MCTP1: variants seen among roughly 807,000 people sequenced by gnomAD.
MCTP1 encodes the protein multiple C2 and transmembrane domain-containing protein 1.
In MCTP1, 69 loss-of-function variants were observed where a neutral mutation model predicts 120.6. The observed-to-expected ratio is 0.57, with a 90% CI of 0.47 to 0.70. MCTP1 has a LOEUF of 0.70. Among genes scored for constraint, MCTP1 ranks in the 30% least tolerant of loss-of-function variants. The pLI is 0.00. For missense variants in MCTP1, 1,203 were observed against 1,248.8 expected (o/e 0.96, Z 0.55); for synonymous variants, 529 against 493.1 (o/e 1.07, Z -0.96).
At chr5:95,139,713 G>A (rs1470114021) in intron 1 of MCTP1, among the ~76,000 whole-genome samples, 1 of 152,166 alleles carries the variant, frequency 6.6e-6, no homozygotes, top group Non-Finnish European at 1.5e-5. Context: ...CACAGAAGCT[G>A]TTTCCTTATG....
At chr5:94,821,009 C>T (rs1785518922) in intron 17 of MCTP1, among the ~76,000 whole-genome samples, 2 of 152,168 alleles carry the variant, frequency 1.3e-5, no homozygotes, top group South Asian at 4.1e-4. Flanking sequence ...ACTCCCAGCA[C>T]TGTCAAATAG....
At position 94,769,662 on chromosome 5, in the gene MCTP1, C is replaced by T. The variant is rs879532058; in HGVS notation, c.2610+9448G>A. ...TTGAAGGAATACCTCAGACTGCCTA[C>T]TCTAAAAATTTATTAGACTTTGTGG... On this transcript the variant is annotated intron_variant, in intron 19 of 22. Transcript: ENST00000515393. 1.5e-4 allele frequency among the ~76,000 whole-genome samples: 23 copies of T among 152,272 alleles called. 1 individual carries two copies. Among genetic ancestry groups the T allele is most frequent in the Admixed American group, 5.2e-4 (8 of 15,294 alleles).
chr5:95,021,516 T>C (rs541266530), intron 1 of MCTP1, among the ~76,000 whole-genome samples: 278 of 152,242 alleles, frequency 1.8e-3, no homozygotes, highest in Non-Finnish European at 2.5e-3. Context: ...CTTATTTTTC[T>C]TCTTTCGTCT....
At chr5:94,995,907 G>A (rs1832534511) in intron 2 of MCTP1, among the ~76,000 whole-genome samples, 1 of 152,122 alleles carries the variant, frequency 6.6e-6, no homozygotes, top group Non-Finnish European at 1.5e-5. Flanking sequence ...CTAACAGCCT[G>A]CCCTTAAGAA....
chr5:94,959,877 C>G (rs1056839468), intron 2 of MCTP1, among the ~76,000 whole-genome samples: 2 of 152,070 alleles, frequency 1.3e-5, no homozygotes, highest in Non-Finnish European at 2.9e-5. Flanking sequence ...GCTATTCCCA[C>G]CAAGTTACCA....
chr5:95,201,992 T>A, intron 1 of MCTP1, among the ~76,000 whole-genome samples: 1 of 152,242 alleles, frequency 6.6e-6, no homozygotes, highest in Admixed American at 6.5e-5. Flanking sequence ...TAATTTCAGA[T>A]GTCTACTTGA....
At chr5:95,020,180 A>T (rs1837926996) in intron 1 of MCTP1, among the ~76,000 whole-genome samples, 1 of 152,080 alleles carries the variant, frequency 6.6e-6, no homozygotes, top group African/African-American at 2.4e-5. Context: ...AGGCTCAGAC[A>T]GCTGTATATT....
chr5:94,864,499 G>A (rs1219761650), intron 17 of MCTP1, among the ~76,000 whole-genome samples: 9 of 151,712 alleles, frequency 5.9e-5, no homozygotes, highest in Admixed American at 6.6e-5. Context: ...TTAATTTTGC[G>A]ACATACATAA....
At chr5:94,827,860 T>C (rs929151710) in intron 17 of MCTP1, among the ~76,000 whole-genome samples, 2 of 151,988 alleles carry the variant, frequency 1.3e-5, no homozygotes, top group Non-Finnish European at 2.9e-5. Flanking sequence ...TAGTTAGCAA[T>C]TCCTCTAACC....
intron 2 of MCTP1, among the ~76,000 whole-genome samples, chr5:95,012,712 G>C (rs764790450): frequency 4.6e-5 from 7 of 152,108 alleles, no homozygotes; most frequent in Admixed American, 1.3e-4. Flanking sequence ...ACAGGAGACT[G>C]AGAAATTAAT....
At chr5:94,849,007 C>A (rs1158074930) in intron 17 of MCTP1, among the ~76,000 whole-genome samples, 1 of 151,780 alleles carries the variant, frequency 6.6e-6, no homozygotes, top group Non-Finnish European at 1.5e-5. Context: ...AAAATATGAT[C>A]TTCCATATTA....
intron 1 of MCTP1, among the ~76,000 whole-genome samples, chr5:95,192,672 A>G (rs901440871): frequency 3.3e-5 from 5 of 152,128 alleles, no homozygotes; most frequent in Admixed American, 3.3e-4. Context: ...AAGTGCTTAA[A>G]GCCACATTTC....
intron 2 of MCTP1, among the ~76,000 whole-genome samples, chr5:95,004,509 G>A (rs1834298460): frequency 6.6e-6 from 1 of 152,224 alleles, no homozygotes; most frequent in African/African-American, 2.4e-5. Flanking sequence ...AGGAGGCCTA[G>A]GAGAGAAAAA....
chr5:94,848,999 A>G (rs1011323743), intron 17 of MCTP1, among the ~76,000 whole-genome samples: 1 of 151,946 alleles, frequency 6.6e-6, no homozygotes, highest in Admixed American at 6.6e-5. Flanking sequence ...TTTAATATAA[A>G]ATATGATCTT....
chr5:95,004,827 G>T lies in MCTP1; in HGVS notation c.838+12540C>A, dbSNP rs1360112996. 4.6e-5 allele frequency among the ~76,000 whole-genome samples: 7 copies of T among 152,358 alleles called. No homozygotes were observed. The East Asian group carries it at 1.3e-3, about 29-fold the overall frequency. On this transcript the variant is annotated intron_variant, in intron 2 of 22. Coordinates refer to ENST00000515393, the MANE Select transcript of MCTP1 (RefSeq NM_024717.7). ...GTCCCCATGGAGAACCTCTACTAGG[G>T]TAGGGCAGAGAGAAAATATGAGGTT...
At chr5:95,098,488 G>A (rs1407520351) in intron 1 of MCTP1, among the ~76,000 whole-genome samples, 2 of 152,090 alleles carry the variant, frequency 1.3e-5, no homozygotes, top group African/African-American at 4.8e-5. Context: ...CAGACAAACA[G>A]AGAGCCAAAT....
chr5:95,074,326 G>C (rs1219343924), intron 1 of MCTP1, among the ~76,000 whole-genome samples: 1 of 152,218 alleles, frequency 6.6e-6, no homozygotes, highest in African/African-American at 2.4e-5. Context: ...TGAGCACTTT[G>C]AAGTGCTGTT....
At chr5:94,753,294 T>G (rs1488008951) in intron 19 of MCTP1, among the ~76,000 whole-genome samples, 2 of 152,190 alleles carry the variant, frequency 1.3e-5, no homozygotes, top group Admixed American at 6.5e-5. Flanking sequence ...AGGAAACACC[T>G]TTTCTCCTAA....
chr5:94,923,748 G>A (rs540152274), intron 7 of MCTP1, among the ~76,000 whole-genome samples: 146 of 152,174 alleles, frequency 9.6e-4, no homozygotes, highest in African/African-American at 3.4e-3. Context: ...TGACTTCAAA[G>A]AAATATGTTC....
Sources: gnomAD v4.1 joint callset for allele counts (sites outside exome capture counted in the v4.1 genomes callset) on GRCh38, gnomAD v4.1.1 for gene constraint, MANE v1.5 for transcripts, NCBI Gene and HGNC (gene_info 2026-07-23, HGNC 2026-07-21) for gene names.